ZCWPW2: variants seen among roughly 807,000 people sequenced by gnomAD.
ZCWPW2 encodes zinc finger CW-type PWWP domain protein 2.
In ZCWPW2, 45 loss-of-function variants were observed where a neutral mutation model predicts 46.6. The observed-to-expected ratio is 0.96, with a 90% CI of 0.76 to 1.24. The LOEUF (loss-of-function observed/expected upper bound fraction) is 1.24. ZCWPW2 is among the 50% of genes most tolerant of loss of function. ZCWPW2 has a pLI of 0.00. For missense variants in ZCWPW2, 429 were observed against 403.9 expected (o/e 1.06, Z -0.53); for synonymous variants, 152 against 137.1 (o/e 1.11, Z -0.76).
chr3:28,387,158 T>A (rs1453895445), intron 1 of ZCWPW2, among the ~76,000 whole-genome samples: 1 of 152,150 alleles, frequency 6.6e-6, no homozygotes, highest in East Asian at 1.9e-4. Flanking sequence ...TCACTCTTGG[T>A]TTTCCCAGAT....
chr3:28,378,949 C>G (rs1480124663), intron 1 of ZCWPW2, among the ~76,000 whole-genome samples: 4 of 152,072 alleles, frequency 2.6e-5, no homozygotes, highest in Non-Finnish European at 5.9e-5. Flanking sequence ...ATACTGACTC[C>G]TACTTATTAT....
chr3:28,481,149 G>A (rs776186450), intron 5 of ZCWPW2, among the ~76,000 whole-genome samples: 38 of 152,056 alleles, frequency 2.5e-4, no homozygotes, highest in Admixed American at 1.7e-3. Flanking sequence ...GGTATGCGGC[G>A]TTATTTCTGA....
intron 1 of ZCWPW2, among the ~76,000 whole-genome samples, chr3:28,379,075 C>T (rs1036703395): frequency 1.3e-5 from 2 of 152,118 alleles, no homozygotes; most frequent in African/African-American, 4.8e-5. Flanking sequence ...TAGTACTTAT[C>T]ATCACTTGTG....
intron 4 of ZCWPW2, among the ~76,000 whole-genome samples, chr3:28,446,408 C>A (rs962758558): frequency 1.3e-5 from 2 of 151,718 alleles, no homozygotes; most frequent in Non-Finnish European, 2.9e-5. Flanking sequence ...CCAAGACAAC[C>A]AATGAATCAA....
At chr3:28,423,491 C>T (rs777938114) in intron 3 of ZCWPW2, among the ~76,000 whole-genome samples, 2 of 151,426 alleles carry the variant, frequency 1.3e-5, no homozygotes, top group African/African-American at 2.4e-5. Context: ...CTCAGCCTCC[C>T]GAGTAGCTGG....
At chr3:28,422,705 C>A (rs1398161878) in intron 3 of ZCWPW2, among the ~76,000 whole-genome samples, 1 of 152,002 alleles carries the variant, frequency 6.6e-6, no homozygotes, top group African/African-American at 2.4e-5. Flanking sequence ...CTATGTGGAC[C>A]TGTTTTCAGT....
chr3:28,460,615 A>C (rs1270698598), intron 4 of ZCWPW2, among the ~76,000 whole-genome samples: 1 of 152,194 alleles, frequency 6.6e-6, no homozygotes, highest in African/African-American at 2.4e-5. Context: ...GCAATCTTCC[A>C]GTTTGTATCA....
intron 5 of ZCWPW2, among the ~76,000 whole-genome samples, chr3:28,491,865 G>C (rs961684365): frequency 6.6e-6 from 1 of 152,048 alleles, no homozygotes; most frequent in Non-Finnish European, 1.5e-5. Flanking sequence ...ACACCAACTT[G>C]AGGACATCCA....
Position 28,489,929 on chromosome 3 carries a change from G to A in ZCWPW2, c.611-2198G>A, listed in dbSNP as rs138604806. The stretch of plus-strand genomic sequence containing the variant: ...GCCTACAGAATGGGAGAAAATATTC[G>A]CAAACTCTGCATCTGAAAAAGGTCT... On this transcript the variant is annotated intron_variant, in intron 5 of 9. Transcript: ENST00000383768. Among the ~76,000 whole-genome samples the A allele has an allele frequency of 2.6e-3, 389 of 152,012 alleles. 1 individual carries two copies. The highest frequency in any genetic ancestry group is 8.5e-3 in the African/African-American group (351 of 41,488).
At chr3:28,425,377 G>A (rs927204749) in intron 3 of ZCWPW2, among the ~76,000 whole-genome samples, 1 of 152,016 alleles carries the variant, frequency 6.6e-6, no homozygotes, top group African/African-American at 2.4e-5. Flanking sequence ...GATAATAACA[G>A]GATAAATTAC....
chr3:28,515,555 A>C lies in ZCWPW2; in HGVS notation c.718A>C (p.Lys240Gln). Reference sequence around the variant, plus strand: ...AAATCTGTCAAATTCTTTTTCTAGGAAAGCAATTTTAAAATGCTCTTTTGA... The same window carrying C: ...AAATCTGTCAAATTCTTTTTCTAGGCAAGCAATTTTAAAATGCTCTTTTGA... ...KKPKFRKRKR[K>Q]AILKCSFENV... The change falls in exon 8 of 10, where the codon AAA becomes CAA. Residue 240 changes from lysine (K) to glutamine (Q), a missense_variant and splice_region_variant. Physicochemically the swap from Lys to Gln is moderately conservative, Grantham distance 53 (BLOSUM62 1). Transcript: ENST00000383768. The C allele has an allele frequency of 6.2e-7, 1 of 1,606,316 alleles. No individual in the cohort carries two copies. The highest frequency in any genetic ancestry group is 8.5e-7 in the Non-Finnish European group (1 of 1,174,772).
In ZCWPW2 at chr3:28,437,629, G is replaced by A. The variant is rs532725910; in HGVS notation, c.492+2360G>A. ...TCAGTCATTCTCTAGTCATACAGATGATAGTGTTTTCCCCTAATAAATGGA... is the reference window on the plus strand; with the variant it reads ...TCAGTCATTCTCTAGTCATACAGATAATAGTGTTTTCCCCTAATAAATGGA... On this transcript the variant is annotated intron_variant, in intron 4 of 9. Coordinates refer to ENST00000383768, the MANE Select transcript of ZCWPW2 (RefSeq NM_001040432.4). Among the ~76,000 whole-genome samples the A allele has an allele frequency of 3.9e-5, 6 of 152,194 alleles. No individual in the cohort carries two copies. In the South Asian group the frequency reaches 1.0e-3, roughly 26 times the overall value.
chr3:28,466,094 A>G (rs1698811298), intron 4 of ZCWPW2, among the ~76,000 whole-genome samples: 1 of 152,234 alleles, frequency 6.6e-6, no homozygotes, highest in Non-Finnish European at 1.5e-5. Context: ...CAAATACTGC[A>G]TGTTCTCACT....
At chr3:28,483,271 C>T (rs1187517540) in intron 5 of ZCWPW2, among the ~76,000 whole-genome samples, 2 of 152,122 alleles carry the variant, frequency 1.3e-5, no homozygotes, top group Admixed American at 1.3e-4. Context: ...CACCTTTGCT[C>T]CTTTATCAAT....
intron 1 of ZCWPW2, among the ~76,000 whole-genome samples, chr3:28,365,035 T>A (rs1705077282): frequency 6.6e-6 from 1 of 152,072 alleles, no homozygotes; most frequent in South Asian, 2.1e-4. Flanking sequence ...TCATTGTAGA[T>A]TCTGGATATT....
chr3:28,515,462 TA>T, intron 7 of ZCWPW2, 91 bp from the exon 8 acceptor site: 1 of 901,968 alleles, frequency 1.1e-6, no homozygotes, highest in Non-Finnish European at 1.7e-6. Context: ...TATGCATTTA[TA>T]ATCTACAGTT....
chr3:28,413,444 T>C (rs779948741), intron 3 of ZCWPW2, 44 bp downstream of exon 3: 1 of 1,486,280 alleles, frequency 6.7e-7, no homozygotes, highest in Non-Finnish European at 9.1e-7. Context: ...GTAGTCTTGC[T>C]AGGTTTATGA....
chr3:28,390,418 T>C, intron 1 of ZCWPW2, 80 bp from the exon 2 acceptor site: 3 of 956,644 alleles, frequency 3.1e-6, no homozygotes, highest in Non-Finnish European at 3.7e-6. Flanking sequence ...ATATCAGAAT[T>C]TCAAATAATT....
chr3:28,379,447 C>T (rs1262932829), intron 1 of ZCWPW2, among the ~76,000 whole-genome samples: 1 of 152,100 alleles, frequency 6.6e-6, no homozygotes, highest in African/African-American at 2.4e-5. Flanking sequence ...GCAAAAAATG[C>T]CCTTAAGAAT....
Sources: allele counts gnomAD v4.1 joint callset (sites outside exome capture counted in the v4.1 genomes callset), GRCh38; gene constraint gnomAD v4.1.1; transcripts MANE v1.5; gene names NCBI Gene and HGNC (gene_info 2026-07-23, HGNC 2026-07-21).